Variants in C1QTNF7 observed in about 807,000 individuals in gnomAD.
The protein encoded by C1QTNF7 is C1q and TNF related 7.
In C1QTNF7, 15 loss-of-function variants were observed where a neutral mutation model predicts 19.6. That is an observed-to-expected ratio of 0.76 (90% confidence interval 0.51 to 1.18). C1QTNF7 has a LOEUF of 1.18. Ranked by LOEUF, C1QTNF7 falls within the 50% of genes most tolerant of loss-of-function variation. C1QTNF7 has a pLI of 0.00. For missense variants in C1QTNF7, 324 were observed against 359.7 expected, an observed-to-expected ratio of 0.90 and a Z score of 0.80; for synonymous variants, 142 against 137.5, an observed-to-expected ratio of 1.03 and a Z score of -0.23.
intron 1 of C1QTNF7, among the ~76,000 whole-genome samples, chr4:15,369,219 C>T (rs1330532662): frequency 6.6e-6 from 1 of 152,148 alleles, no homozygotes; most frequent in Non-Finnish European, 1.5e-5. Context: ...TCTCTGCACA[C>T]AAGTTGTGCT....
chr4:15,406,225 G>A (rs866130371), intron 1 of C1QTNF7, among the ~76,000 whole-genome samples: 3 of 151,930 alleles, frequency 2.0e-5, no homozygotes, highest in Admixed American at 6.5e-5. Context: ...CAGTTTCCCC[G>A]CCAGGATCCA....
chr4:15,431,832 T>G (rs958709002), intron 1 of C1QTNF7, among the ~76,000 whole-genome samples: 1 of 152,090 alleles, frequency 6.6e-6, no homozygotes, highest in Non-Finnish European at 1.5e-5. Context: ...AGGAAAAATA[T>G]AGATATAAAA....
chr4:15,346,934 T>C (rs1716738906), intron 1 of C1QTNF7, among the ~76,000 whole-genome samples: 1 of 152,202 alleles, frequency 6.6e-6, no homozygotes, highest in East Asian at 1.9e-4. Context: ...TTCTTCCTTA[T>C]GCAACAGGGG....
At chr4:15,343,571 C>T (rs1695218708) in intron 1 of C1QTNF7, among the ~76,000 whole-genome samples, 1 of 152,078 alleles carries the variant, frequency 6.6e-6, no homozygotes, top group East Asian at 1.9e-4. Flanking sequence ...AAGGACAATG[C>T]AATAGGGACA....
intron 1 of C1QTNF7, among the ~76,000 whole-genome samples, chr4:15,341,515 G>A (rs1429265223): frequency 6.6e-6 from 1 of 152,164 alleles, no homozygotes. Context: ...GAGTGATCAG[G>A]AGACACCATT....
At chr4:15,441,589 A>G (rs1388214014) in intron 2 of C1QTNF7, among the ~76,000 whole-genome samples, 1 of 152,230 alleles carries the variant, frequency 6.6e-6, no homozygotes, top group Admixed American at 6.5e-5. Context: ...TATAGTGGCA[A>G]GTGATCCATC....
chr4:15,396,017 T>A (rs1318671414), intron 1 of C1QTNF7, among the ~76,000 whole-genome samples: 1 of 152,104 alleles, frequency 6.6e-6, no homozygotes, highest in Admixed American at 6.5e-5. Flanking sequence ...TGGGGGGCAA[T>A]GAAGAGGGCT....
At chr4:15,355,326 T>C (rs187086229) in intron 1 of C1QTNF7, among the ~76,000 whole-genome samples, 2,078 of 152,202 alleles carry the variant, frequency 0.014, 22 homozygotes, top group Non-Finnish European at 0.022. Context: ...TGCCCCCTCA[T>C]CTGCTGCCAC....
chr4:15,395,210 G>A (rs1310470301), intron 1 of C1QTNF7, among the ~76,000 whole-genome samples: 1 of 152,194 alleles, frequency 6.6e-6, no homozygotes, highest in Non-Finnish European at 1.5e-5. Flanking sequence ...AAGTCTGATG[G>A]CTTTGGAGCA....
intron 2 of C1QTNF7, among the ~76,000 whole-genome samples, chr4:15,439,606 G>C (rs1712669575): frequency 6.6e-6 from 1 of 152,136 alleles, no homozygotes; most frequent in African/African-American, 2.4e-5. Flanking sequence ...GAAAAGAAAT[G>C]ACTCGCCCAA....
intron 1 of C1QTNF7, among the ~76,000 whole-genome samples, chr4:15,407,889 C>T (rs747372602): frequency 2.6e-5 from 4 of 151,910 alleles, no homozygotes; most frequent in Non-Finnish European, 4.4e-5. Context: ...AGGCAGAGGT[C>T]GCTCCAGCCT....
chr4:15,423,085 C>T (rs905251304), upstream of C1QTNF7, among the ~76,000 whole-genome samples: 2 of 152,116 alleles, frequency 1.3e-5, no homozygotes, highest in Non-Finnish European at 2.9e-5. Flanking sequence ...AAGTAGAAAC[C>T]AGGTATCAGT....
Position 15,409,106 on chromosome 4 carries a change from C to T in C1QTNF7, c.14-26630C>T, listed in dbSNP as rs142636017. On this transcript the variant is annotated intron_variant, in intron 1 of 2. Transcript: ENST00000295297. ...TTTCAATTCCACTTCTGCTCAAAAACATCTCCAACTAAAATAACCACTCTC... is the reference window on the plus strand; with the variant it reads ...TTTCAATTCCACTTCTGCTCAAAAATATCTCCAACTAAAATAACCACTCTC... 4.3e-3 allele frequency among the ~76,000 whole-genome samples: 650 copies of T among 152,304 alleles called. 5 individuals are homozygous for T. Among genetic ancestry groups the T allele is most frequent in the African/African-American group, 0.015 (608 of 41,552 alleles).
At chr4:15,393,616 A>G (rs909325201) in intron 1 of C1QTNF7, among the ~76,000 whole-genome samples, 4 of 152,260 alleles carry the variant, frequency 2.6e-5, no homozygotes, top group East Asian at 1.9e-4. Flanking sequence ...CTGAGGACCA[A>G]TGGATTTGAT....
intron 1 of C1QTNF7, among the ~76,000 whole-genome samples, chr4:15,385,376 TG>T (rs1489245224): frequency 6.6e-6 from 1 of 152,166 alleles, no homozygotes; most frequent in Non-Finnish European, 1.5e-5. Context: ...CTGGGAGCCA[TG>T]GGAAGCCAAT....
At chr4:15,340,978 T>G (rs1003329535) in intron 1 of C1QTNF7, among the ~76,000 whole-genome samples, 1 of 152,228 alleles carries the variant, frequency 6.6e-6, no homozygotes, top group Non-Finnish European at 1.5e-5. Context: ...TGGAGGGGCA[T>G]ATAAATATGA....
intron 1 of C1QTNF7, among the ~76,000 whole-genome samples, chr4:15,391,739 T>G (rs1057252215): frequency 2.0e-5 from 3 of 152,168 alleles, no homozygotes; most frequent in African/African-American, 7.2e-5. Flanking sequence ...GCCTTATAAA[T>G]AATAAACATT....
At chr4:15,420,708 T>C (rs768683376) in intron 1 of C1QTNF7, among the ~76,000 whole-genome samples, 5 of 151,952 alleles carry the variant, frequency 3.3e-5, no homozygotes, top group African/African-American at 1.2e-4. Context: ...GGCTGGACAA[T>C]GATGACTTTG....
intron 1 of C1QTNF7, among the ~76,000 whole-genome samples, chr4:15,353,961 C>T (rs1717028234): frequency 6.6e-6 from 1 of 152,078 alleles, no homozygotes; most frequent in Admixed American, 6.6e-5. Flanking sequence ...AAATTGGAAG[C>T]GAATGTGTTG....
Sources: gnomAD v4.1 joint callset for allele counts (sites outside exome capture counted in the v4.1 genomes callset) on GRCh38, gnomAD v4.1.1 for gene constraint, MANE v1.5 for transcripts, NCBI Gene and HGNC (gene_info 2026-07-23, HGNC 2026-07-21) for gene names.